STK17B: variants seen among roughly 807,000 people sequenced by gnomAD.
STK17B encodes the protein serine/threonine kinase 17b.
A neutral mutation model predicts 42.0 loss-of-function variants in STK17B; 21 were observed. That is an observed-to-expected ratio of 0.50 (90% confidence interval 0.35 to 0.72). The LOEUF (loss-of-function observed/expected upper bound fraction) is 0.72. Ranked by LOEUF, STK17B falls within the 30% of genes least tolerant of loss-of-function variation. STK17B has a pLI of 0.00. For missense variants in STK17B, 349 were observed against 446.0 expected (o/e 0.78, Z 1.96); for synonymous variants, 143 against 148.4 (o/e 0.96, Z 0.26).
chr2:196,173,045 A>G (rs1699966684), upstream of STK17B, among the ~76,000 whole-genome samples: 1 of 152,020 alleles, frequency 6.6e-6, no homozygotes, highest in Non-Finnish European at 1.5e-5. Context: ...ACATTTCATC[A>G]ATTGCCAGCT....
At chr2:196,170,939 G>T (rs1380012290) in intron 1 of STK17B, 1 of 152,268 alleles carries the variant, frequency 6.6e-6, no homozygotes, top group Non-Finnish European at 1.5e-5. Context: ...GGACCGCGTG[G>T]CCTTGCTGTG....
chr2:196,162,816 G>C (rs183054051), intron 2 of STK17B, among the ~76,000 whole-genome samples: 1 of 152,066 alleles, frequency 6.6e-6, no homozygotes, highest in Non-Finnish European at 1.5e-5. Flanking sequence ...TTGAGCCCAG[G>C]AGACAGGAGG....
intron 4 of STK17B, among the ~76,000 whole-genome samples, chr2:196,144,007 C>T (rs112160265): frequency 3.7e-5 from 4 of 109,168 alleles, no homozygotes; most frequent in East Asian, 4.3e-4. Flanking sequence ...AGAGATGATG[C>T]GTAAGCTGAG....
In STK17B at chr2:196,137,217, T is replaced by C. The variant is rs1186410466; in HGVS notation, c.*230A>G. The C allele has an allele frequency of 2.2e-6, 1 of 459,958 alleles. No individual in the cohort carries two copies. The allele number at this position is 459,958 out of a possible 1,614,324, so 28.5% of individuals were successfully genotyped here. A position where few individuals can be genotyped will look rare whatever the true frequency, so the allele number is the denominator to read the frequency against. On this transcript the variant is annotated 3_prime_UTR_variant, in exon 8 of 8. Transcript: ENST00000263955. ...AACATGTAAACTCACATGTACAATTTTACTTTTTGTCATATATTTAAATAT... is the reference window on the plus strand; with the variant it reads ...AACATGTAAACTCACATGTACAATTCTACTTTTTGTCATATATTTAAATAT...
Position 196,137,383 on chromosome 2 carries a change from C to A in STK17B, c.*64G>T. On this transcript the variant is annotated 3_prime_UTR_variant, in exon 8 of 8. Transcript: ENST00000263955. ...ACATGTCATATATGAAGCTACAAATCATAATCTCACTGGAGTGGATATAAA... is the reference window on the plus strand; with the variant it reads ...ACATGTCATATATGAAGCTACAAATAATAATCTCACTGGAGTGGATATAAA... The A allele has an allele frequency of 6.6e-7, 1 of 1,506,352 alleles. No homozygotes were observed. Among genetic ancestry groups the A allele is most frequent in the Non-Finnish European group, 9.0e-7 (1 of 1,114,568 alleles). The allele number at this position is 1,506,352 out of a possible 1,614,324, so 93.3% of individuals were successfully genotyped here.
rs117017423 is a variant in STK17B, at chr2:196,169,007, A to G, written c.-45+2326T>C. Reference sequence around the variant, plus strand: ...AACAAATACCCATACAGTGCAGAAGATTTCTTTATGAAAAGAAGAATCAAT... The same window carrying G: ...AACAAATACCCATACAGTGCAGAAGGTTTCTTTATGAAAAGAAGAATCAAT... On this transcript the variant is annotated intron_variant, in intron 1 of 7. Transcript: ENST00000263955. Among the ~76,000 whole-genome samples the G allele has an allele frequency of 4.3e-4, 66 of 152,030 alleles. 1 individual carries two copies. The East Asian group carries it at 0.011, about 25-fold the overall frequency.
intron 3 of STK17B, among the ~76,000 whole-genome samples, chr2:196,147,904 G>A (rs1699604213): frequency 1.3e-5 from 2 of 151,876 alleles, no homozygotes; most frequent in Non-Finnish European, 2.9e-5. Flanking sequence ...GCTAATTTTT[G>A]TATTTATTAG....
chr2:196,137,153 A>C lies in STK17B; in HGVS notation c.*294T>G, dbSNP rs113572046. ...GCCACTTTTTTTGTTGATATGCAAAACATTCTGGTAAGTTCATTTGAAGTT... is the reference window on the plus strand; with the variant it reads ...GCCACTTTTTTTGTTGATATGCAAACCATTCTGGTAAGTTCATTTGAAGTT... On this transcript the variant is annotated 3_prime_UTR_variant, in exon 8 of 8. Coordinates refer to ENST00000263955, the MANE Select transcript of STK17B (RefSeq NM_004226.4). 7 of 303,618 alleles carry C rather than the reference A, an allele frequency of 2.3e-5. No individual in the cohort carries two copies. The highest frequency in any genetic ancestry group is 1.3e-4 in the African/African-American group (6 of 45,428). 18.8% of individuals were successfully genotyped at this position (303,618 alleles called of 1,614,324 possible). A position where few individuals can be genotyped will look rare whatever the true frequency, so the allele number is the denominator to read the frequency against.
At chr2:196,160,527 T>C (rs951860074) in intron 2 of STK17B, among the ~76,000 whole-genome samples, 13 of 152,206 alleles carry the variant, frequency 8.5e-5, no homozygotes, top group Admixed American at 3.9e-4. Context: ...AAGATAACTT[T>C]CAAAATGTGC....
rs1271007800 is a variant in STK17B at position 196,156,512 on chromosome 2, T to C, written c.262A>G (p.Lys88Glu). 1.2e-6 allele frequency: 2 copies of C among 1,613,998 alleles called. No individual in the cohort carries two copies. Among genetic ancestry groups the C allele is most frequent in the Middle Eastern group, 3.3e-4 (2 of 6,082 alleles). ...AGATTAATAACACGGGGACAAGACT[T>C]TGCCAATTCAAGCACAGCAATCTCG... is the stretch of plus-strand genomic sequence containing the variant. ...LHEIAVLELA[K>E]SCPRVINLHE... Residue 88 changes from lysine to glutamate, a missense_variant, in exon 3 of 8, where the codon AAG (lysine) becomes GAG (glutamate). Lys to Glu is a moderately conservative substitution (Grantham distance 56). Coordinates refer to ENST00000263955, the MANE Select transcript of STK17B (RefSeq NM_004226.4).
At chr2:196,143,447 C>A in intron 5 of STK17B, 113 bp downstream of exon 5, 1 of 1,032,810 alleles carries the variant, frequency 9.7e-7, no homozygotes, top group Non-Finnish European at 1.4e-6. Context: ...ATACTTGAAC[C>A]AATCAAATCC....
Position 196,143,601 on chromosome 2 carries a change from G to T in STK17B, c.566C>A (p.Ala189Glu). 1.9e-6 allele frequency: 3 copies of T among 1,606,816 alleles called. No individual in the cohort carries two copies. The highest frequency in any genetic ancestry group is 2.5e-6 in the Non-Finnish European group (3 of 1,176,592). The change falls in exon 5 of 8, where the codon GCG becomes GAG. Residue 189 changes from alanine to glutamate, a missense_variant. Coordinates refer to ENST00000263955, the MANE Select transcript of STK17B (RefSeq NM_004226.4). ...DFGMSRKIGH[A>E]CELREIMGTP... ...TCCCATGATTTCCCGAAGTTCACAC[G>T]CATGCCCTATTTTTCGAGACATTCC...
chr2:196,141,234 C>T lies in STK17B; in HGVS notation c.656+15G>A, dbSNP rs1387890086. The stretch of plus-strand genomic sequence containing the variant: ...CTTTCCATAAAGATGTTTAAGGTAA[C>T]TAACAACATCTTACCACATATCTGT... On this transcript the variant is annotated intron_variant, in intron 6 of 7. Transcript: ENST00000263955. 5.0e-6 allele frequency: 8 copies of T among 1,597,904 alleles called. No homozygotes were observed. The highest frequency in any genetic ancestry group is 6.8e-6 in the Non-Finnish European group (8 of 1,169,660).
At chr2:196,163,205 A>G in intron 2 of STK17B, 57 bp downstream of exon 2, 1 of 1,586,598 alleles carries the variant, frequency 6.3e-7, no homozygotes, top group African/African-American at 1.4e-5. Flanking sequence ...TAGAATTATA[A>G]AAACACAAAT....
At chr2:196,143,455 T>C (rs1031647379) in intron 5 of STK17B, 105 bp downstream of exon 5, 109 of 1,130,270 alleles carry the variant, frequency 9.6e-5, no homozygotes, top group Non-Finnish European at 1.3e-4. Flanking sequence ...ACCAATCAAA[T>C]CCTTTTAACT....
rs2271889 is a variant in STK17B at position 196,171,271 on chromosome 2, T to A, written c.-45+62A>T. The A allele has an allele frequency of 9.0e-3, 1,370 of 152,538 alleles. 33 individuals carry two copies. The highest frequency in any genetic ancestry group is 0.069 in the East Asian group (353 of 5,142). The allele number at this position is 152,538 out of a possible 1,614,324, so 9.4% of individuals were successfully genotyped here. A position where few individuals can be genotyped will look rare whatever the true frequency, so the allele number is the denominator to read the frequency against. ...TCCTTCCTCACGTATGAGGTCTCTG[T>A]ACCGAGGCGGCTGGTTCCATCGCAG... On this transcript the variant is annotated intron_variant, in intron 1 of 7. Coordinates refer to ENST00000263955, the MANE Select transcript of STK17B (RefSeq NM_004226.4).
chr2:196,137,807 C>T, intron 7 of STK17B, 78 bp from the exon 8 acceptor site: 2 of 1,470,708 alleles, frequency 1.4e-6, no homozygotes, highest in Non-Finnish European at 1.8e-6. Context: ...AGATTATAGA[C>T]ATATTTTTTA....
intron 2 of STK17B, among the ~76,000 whole-genome samples, chr2:196,160,344 A>G (rs868197769): frequency 2.0e-5 from 3 of 152,312 alleles, no homozygotes; most frequent in Middle Eastern, 3.4e-3. Context: ...CCTTTGCCTC[A>G]GTTGGGGGAG....
intron 7 of STK17B, among the ~76,000 whole-genome samples, chr2:196,139,165 C>T (rs762065814): frequency 2.0e-5 from 3 of 150,700 alleles, no homozygotes; most frequent in Non-Finnish European, 3.0e-5. Context: ...GGGGTTTCAC[C>T]GTGTTAGCCA....
Sources: allele counts gnomAD v4.1 joint callset (sites outside exome capture counted in the v4.1 genomes callset), GRCh38; gene constraint gnomAD v4.1.1; transcripts MANE v1.5; gene names NCBI Gene and HGNC (gene_info 2026-07-23, HGNC 2026-07-21).